The following PRDM16 variants were observed in gnomAD, a reference collection of about 807,000 sequenced individuals.
PRDM16 encodes the protein histone-lysine N-methyltransferase PRDM16.
In PRDM16, 23 loss-of-function variants were observed where a neutral mutation model predicts 110.6. That is an observed-to-expected ratio of 0.21 (90% CI 0.15 to 0.29). The LOEUF (loss-of-function observed/expected upper bound fraction) is 0.29, where lower values mean the gene tolerates loss of function less well. PRDM16 is among the 10% of genes least tolerant of loss of function. PRDM16 has a pLI of 1.00. For missense variants in PRDM16, 1,615 were observed against 1,794.3 expected (o/e 0.90, Z 1.81); for synonymous variants, 799 against 781.8 (o/e 1.02, Z -0.37).
intron 3 of PRDM16, among the ~76,000 whole-genome samples, chr1:3,369,250 T>C (rs761319526): frequency 2.0e-5 from 3 of 152,218 alleles, no homozygotes; most frequent in Non-Finnish European, 4.4e-5. Flanking sequence ...AGCACCTCTG[T>C]CTGTGAATCA....
At chr1:3,318,338 T>G (rs1570059636) in intron 3 of PRDM16, among the ~76,000 whole-genome samples, 1 of 152,258 alleles carries the variant, frequency 6.6e-6, no homozygotes, top group East Asian at 1.9e-4. Context: ...TTGGTTGTTT[T>G]TCTTTTTTAA....
chr1:3,221,039 AG>A (rs1205071939), intron 2 of PRDM16, among the ~76,000 whole-genome samples: 3 of 152,210 alleles, frequency 2.0e-5, no homozygotes, highest in Non-Finnish European at 4.4e-5. Context: ...TTTACAACCC[AG>A]GGTGGTCAGT....
At position 3,223,749 on chromosome 1, in the gene PRDM16, G is replaced by A. The variant is rs143713873; in HGVS notation, c.388-20338G>A. ...AAGAGGTCACGCGATACCAGGGCTGGGGATCAGCCCCCGGAATGGAGGGGG... is the reference window on the plus strand; with the variant it reads ...AAGAGGTCACGCGATACCAGGGCTGAGGATCAGCCCCCGGAATGGAGGGGG... On this transcript the variant is annotated intron_variant, in intron 2 of 16. Transcript: ENST00000270722. 3.3e-3 allele frequency among the ~76,000 whole-genome samples: 499 copies of A among 151,724 alleles called. 3 individuals are homozygous for A. Among genetic ancestry groups the A allele is most frequent in the South Asian group, 0.019 (92 of 4,820 alleles).
At chr1:3,119,416 C>T (rs1337276747) in intron 1 of PRDM16, among the ~76,000 whole-genome samples, 1 of 152,240 alleles carries the variant, frequency 6.6e-6, no homozygotes, top group African/African-American at 2.4e-5. Context: ...AGGAGGACTC[C>T]CCATCCAGCC....
At chr1:3,355,175 G>A (rs115750256) in intron 3 of PRDM16, among the ~76,000 whole-genome samples, 51 of 152,238 alleles carry the variant, frequency 3.4e-4, no homozygotes, top group African/African-American at 1.1e-3. Flanking sequence ...AAGGTGTGCC[G>A]GGGAGCTCCG....
intron 1 of PRDM16, among the ~76,000 whole-genome samples, chr1:3,131,231 T>C (rs1313269287): frequency 2.0e-5 from 3 of 152,204 alleles, no homozygotes; most frequent in Non-Finnish European, 4.4e-5. Flanking sequence ...CTCAGACATT[T>C]CTCGTCATTG....
intron 1 of PRDM16, among the ~76,000 whole-genome samples, chr1:3,145,437 T>C (rs1393793992): frequency 6.6e-6 from 1 of 152,182 alleles, no homozygotes; most frequent in Non-Finnish European, 1.5e-5. Flanking sequence ...GCCCTGCCTC[T>C]GCAGCCCTGG....
intron 3 of PRDM16, among the ~76,000 whole-genome samples, chr1:3,263,366 G>A (rs550280369): frequency 7.2e-5 from 11 of 152,316 alleles, no homozygotes; most frequent in Admixed American, 3.3e-4. Context: ...TAGACAGAGC[G>A]TGCCGCTCTC....
rs571433176 is a variant in PRDM16, at chr1:3,370,877, A to G, written c.439-14275A>G. On this transcript the variant is annotated intron_variant, in intron 3 of 16. Transcript: ENST00000270722. The surrounding 1 kb of genome is among the most constrained non-coding windows in gnomAD (Gnocchi z 4.8). ...CCATCCATCCATTAATTATCCATCC[A>G]CCCACCCATCCACCATCCATTCATC... Among the ~76,000 whole-genome samples, 1 of 150,036 alleles carries G rather than the reference A, an allele frequency of 6.7e-6. No individual in the cohort carries two copies. Among genetic ancestry groups the G allele is most frequent in the South Asian group, 2.1e-4 (1 of 4,714 alleles).
rs997669922 is a variant in PRDM16, at chr1:3,255,661, A to T, written c.438+11524A>T. On this transcript the variant is annotated intron_variant, in intron 3 of 16. Transcript: ENST00000270722. This position sits in a 1 kb window ranked among gnomAD's most constrained non-coding sequence, Gnocchi z 4.7. ...GTGGGCAAGCAGCAGGGCTTGGTCC[A>T]CCCTGGCGGTTGGGCCCAGTTTGTC... Among the ~76,000 whole-genome samples, 1 of 152,122 alleles carries T rather than the reference A, an allele frequency of 6.6e-6. No homozygotes were observed. The highest frequency in any genetic ancestry group is 6.5e-5 in the Admixed American group (1 of 15,280).
chr1:3,408,207 A>G (rs1213980402), intron 8 of PRDM16, among the ~76,000 whole-genome samples: 1 of 152,224 alleles, frequency 6.6e-6, no homozygotes, highest in African/African-American at 2.4e-5. Flanking sequence ...TGACACACCC[A>G]TGGCACAGGC....
chr1:3,394,346 G>A, intron 4 of PRDM16: 1 of 356,018 alleles, frequency 2.8e-6, no homozygotes, highest in Non-Finnish European at 5.4e-6. Flanking sequence ...AGGGGGCCAG[G>A]CGGAGGATCC....
intron 1 of PRDM16, among the ~76,000 whole-genome samples, chr1:3,133,912 G>A (rs1006248660): frequency 6.6e-6 from 1 of 152,216 alleles, no homozygotes; most frequent in Admixed American, 6.5e-5. Flanking sequence ...ACCTCGCCTT[G>A]CTCAAAACAA....
chr1:3,226,542 A>G (rs940320588), intron 2 of PRDM16, among the ~76,000 whole-genome samples: 2 of 152,138 alleles, frequency 1.3e-5, no homozygotes, highest in Admixed American at 6.5e-5. Flanking sequence ...TCTGATTAGG[A>G]AAAAAAACCT....
intron 1 of PRDM16, among the ~76,000 whole-genome samples, chr1:3,088,195 T>A (rs2100591704): frequency 6.6e-6 from 1 of 152,250 alleles, no homozygotes; most frequent in South Asian, 2.1e-4. Flanking sequence ...AGAAATCTCC[T>A]CACCGAGGAC....
intron 1 of PRDM16, among the ~76,000 whole-genome samples, chr1:3,163,595 C>T (rs898673434): frequency 5.9e-5 from 9 of 152,220 alleles, no homozygotes; most frequent in Non-Finnish European, 1.2e-4. Flanking sequence ...TCTCCTCCCA[C>T]GGTCCTCAGG....
At position 3,358,034 on chromosome 1, in the gene PRDM16, G is replaced by A. The variant is rs1259230999; in HGVS notation, c.439-27118G>A. 6.6e-6 allele frequency among the ~76,000 whole-genome samples: 1 copy of A among 152,258 alleles called. No homozygotes were observed. Among genetic ancestry groups the A allele is most frequent in the Non-Finnish European group, 1.5e-5 (1 of 68,038 alleles). On this transcript the variant is annotated intron_variant, in intron 3 of 16. Coordinates refer to ENST00000270722, the MANE Select transcript of PRDM16 (RefSeq NM_022114.4). This position sits in a 1 kb window ranked among gnomAD's most constrained non-coding sequence, Gnocchi z 4.0. Reference sequence around the variant, plus strand: ...ACATGCTCGCCCATGAGCTGAGTCTGCCTTGACCACTGAAGGAGGCTGCCC... The same window carrying A: ...ACATGCTCGCCCATGAGCTGAGTCTACCTTGACCACTGAAGGAGGCTGCCC...
rs930980588 is a variant in PRDM16 at position 3,397,650 on chromosome 1, G to A, written c.676+1057G>A. Among the ~76,000 whole-genome samples, 10 of 152,360 alleles carry A rather than the reference G, an allele frequency of 6.6e-5. No homozygotes were observed. In the South Asian group the frequency reaches 8.3e-4, roughly 13 times the overall value. On this transcript the variant is annotated intron_variant, in intron 5 of 16. Transcript: ENST00000270722. ...CGCAAGCTCCCTCCTGGCCGTTTCC[G>A]GCGCTGGTGATTCCTGCTGGTGCTG...
chr1:3,433,265 C>T (rs1442358721), intron 16 of PRDM16, among the ~76,000 whole-genome samples: 2 of 152,364 alleles, frequency 1.3e-5, no homozygotes, highest in African/African-American at 4.8e-5. Flanking sequence ...TCCCTCCCGC[C>T]GTCACGCCTG....
Sources: gnomAD v4.1 joint callset for allele counts (sites outside exome capture counted in the v4.1 genomes callset) on GRCh38, gnomAD v4.1.1 for gene constraint, Gnocchi (gnomAD v3.1) non-coding constraint, MANE v1.5 for transcripts, NCBI Gene and HGNC (gene_info 2026-07-23, HGNC 2026-07-21) for gene names.